Variants in KREMEN1 observed in about 807,000 individuals in gnomAD.
KREMEN1 encodes kremen protein 1.
A neutral mutation model predicts 46.5 loss-of-function variants in KREMEN1; 30 were observed. The observed-to-expected ratio is 0.65, with a 90% CI of 0.48 to 0.88. The LOEUF (loss-of-function observed/expected upper bound fraction) is 0.88, where lower values mean the gene tolerates loss of function less well. Ranked by LOEUF, KREMEN1 falls within the 40% of genes least tolerant of loss-of-function variation. The pLI, the probability that KREMEN1 is intolerant of heterozygous loss-of-function variation, is 0.00. For missense variants in KREMEN1, 533 were observed against 596.9 expected (o/e 0.89, Z 1.11); for synonymous variants, 214 against 230.6 (o/e 0.93, Z 0.65).
intron 3 of KREMEN1, among the ~76,000 whole-genome samples, chr22:29,113,116 A>G (rs2038177562): frequency 6.6e-6 from 1 of 152,188 alleles, no homozygotes; most frequent in African/African-American, 2.4e-5. Context: ...GGGGTCAGAG[A>G]CATGAAAAAC....
Position 29,155,110 on chromosome 22 carries a change from ATT to A in KREMEN1, c.1417-11923_1417-11922del, listed in dbSNP as rs132288. Among the ~76,000 whole-genome samples the A allele has an allele frequency of 1.7e-3, 257 of 149,672 alleles. 1 individual carries two copies. The highest frequency in any genetic ancestry group is 1.9e-3 in the Non-Finnish European group (128 of 67,316). The stretch of plus-strand genomic sequence containing the variant: ...AGTCAAAGAACAAAGCATAAGTGTA[ATT>A]TTTTTTTTTTGGCCAAATTTTAAAA... On this transcript the variant is annotated intron_variant, in intron 9 of 9. Coordinates refer to the KREMEN1 transcript ENST00000327813.
At chr22:29,104,203 G>T (rs1282581212) in intron 3 of KREMEN1, among the ~76,000 whole-genome samples, 1 of 142,024 alleles carries the variant, frequency 7.0e-6, no homozygotes, top group Non-Finnish European at 1.5e-5. Flanking sequence ...TGTCACACAT[G>T]TTGGAGTGCA....
At chr22:29,117,016 T>C (rs1464352980) in intron 3 of KREMEN1, among the ~76,000 whole-genome samples, 3 of 152,156 alleles carry the variant, frequency 2.0e-5, no homozygotes, top group Non-Finnish European at 4.4e-5. Context: ...ATTTGAACCA[T>C]GTGTGACGCA....
At chr22:29,160,667 A>T (rs1205246469) in intron 9 of KREMEN1, among the ~76,000 whole-genome samples, 1 of 152,182 alleles carries the variant, frequency 6.6e-6, no homozygotes, top group East Asian at 1.9e-4. Flanking sequence ...AATCAAAAAA[A>T]TTCTTTGAAA....
chr22:29,118,726 T>A (rs4823014), intron 3 of KREMEN1, among the ~76,000 whole-genome samples: 5 of 151,668 alleles, frequency 3.3e-5, no homozygotes, highest in South Asian at 2.1e-4. Flanking sequence ...GAATTCAGGC[T>A]TCAATATATT....
At chr22:29,126,484 C>T (rs1047268500) in intron 5 of KREMEN1, among the ~76,000 whole-genome samples, 1 of 152,118 alleles carries the variant, frequency 6.6e-6, no homozygotes, top group African/African-American at 2.4e-5. Context: ...TTTCACATGG[C>T]CATCTTCCCT....
chr22:29,096,428 G>A (rs2037883428), intron 2 of KREMEN1, among the ~76,000 whole-genome samples: 1 of 152,034 alleles, frequency 6.6e-6, no homozygotes, highest in African/African-American at 2.4e-5. Context: ...CTTTCTTGTG[G>A]ATTAGCACCC....
At chr22:29,135,539 C>T (rs115924887) in intron 5 of KREMEN1, among the ~76,000 whole-genome samples, 3,114 of 152,274 alleles carry the variant, frequency 0.02, 89 homozygotes, top group African/African-American at 0.069. Flanking sequence ...GGCAGCCTGT[C>T]ACCTCCTGCA....
chr22:29,162,085 C>G (rs975373930), intron 9 of KREMEN1, among the ~76,000 whole-genome samples: 1 of 150,672 alleles, frequency 6.6e-6, no homozygotes, highest in Non-Finnish European at 1.5e-5. Context: ...TCACTGCACT[C>G]TAGCCTGAAT....
At chr22:29,086,704 C>T (rs2037734174) in intron 1 of KREMEN1, among the ~76,000 whole-genome samples, 1 of 152,166 alleles carries the variant, frequency 6.6e-6, no homozygotes, top group Non-Finnish European at 1.5e-5. Context: ...TGAAACCCAA[C>T]AGGGCGATAG....
Position 29,075,363 on chromosome 22 carries a change from G to A in KREMEN1, c.97+2136G>A, listed in dbSNP as rs552826754. Among the ~76,000 whole-genome samples, 5 of 152,278 alleles carry A rather than the reference G, an allele frequency of 3.3e-5. No homozygotes were observed. In the South Asian group the frequency reaches 6.2e-4, roughly 19 times the overall value. On this transcript the variant is annotated intron_variant, in intron 1 of 8. Coordinates refer to ENST00000400335, the MANE Select transcript of KREMEN1 (RefSeq NM_001039570.3). ...AAGTGAGCCAACTCTCCTTAAGCTC[G>A]TTGGAAGCTAGTCTCTTCCCAGATA...
At position 29,143,695 on chromosome 22, in the gene KREMEN1, TC is replaced by T. The variant is rs2038806785; in HGVS notation, c.*1584del. ...AGGCGGAGCTTGCAGTGAGCAGAGATCACGCCACTGCACTCCAGCCTGGGTG... is the reference window on the plus strand; with the variant it reads ...AGGCGGAGCTTGCAGTGAGCAGAGATACGCCACTGCACTCCAGCCTGGGTG... On this transcript the variant is annotated 3_prime_UTR_variant, in exon 9 of 9. Coordinates refer to ENST00000400335, the MANE Select transcript of KREMEN1 (RefSeq NM_001039570.3). 1.1e-6 allele frequency: 1 copy of T among 907,484 alleles called. No homozygotes were observed. Among genetic ancestry groups the T allele is most frequent in the African/African-American group, 1.8e-5 (1 of 54,194 alleles). The allele number at this position is 907,484 out of a possible 1,614,324, so 56.2% of individuals were successfully genotyped here. A position where few individuals can be genotyped will look rare whatever the true frequency, so the allele number is the denominator to read the frequency against.
intron 5 of KREMEN1, among the ~76,000 whole-genome samples, chr22:29,126,275 A>G (rs1429027341): frequency 1.3e-5 from 2 of 152,234 alleles, no homozygotes; most frequent in Admixed American, 1.3e-4. Context: ...TAGGACTGCC[A>G]TAACAGATTA....
At chr22:29,083,495 C>T (rs1461831459) in intron 1 of KREMEN1, among the ~76,000 whole-genome samples, 1 of 152,134 alleles carries the variant, frequency 6.6e-6, no homozygotes, top group Non-Finnish European at 1.5e-5. Flanking sequence ...AGAAAGGGGT[C>T]CTGATCTAGA....
rs150159988 is a variant in KREMEN1 at position 29,126,030 on chromosome 22, T to G, written c.631+614T>G. ...TGAGCCAGCTGATTCCTCATCATAA[T>G]CCACCAGCATCCTCTCAGTGGCAGT... On this transcript the variant is annotated intron_variant, in intron 5 of 8. Transcript: ENST00000400335. Among the ~76,000 whole-genome samples, 10 of 151,436 alleles carry G rather than the reference T, an allele frequency of 6.6e-5. No homozygotes were observed. In the East Asian group the frequency reaches 1.4e-3, roughly 21 times the overall value.
intron 5 of KREMEN1, among the ~76,000 whole-genome samples, chr22:29,135,825 T>C (rs2038648701): frequency 6.6e-6 from 1 of 152,210 alleles, no homozygotes; most frequent in Non-Finnish European, 1.5e-5. Context: ...CTCTCCTTGA[T>C]GGGGCTTTGA....
chr22:29,132,098 C>T (rs912554303), intron 5 of KREMEN1, among the ~76,000 whole-genome samples: 1 of 151,962 alleles, frequency 6.6e-6, no homozygotes, highest in East Asian at 1.9e-4. Context: ...TCTCAAACTC[C>T]GGACCTCAGG....
chr22:29,122,445 A>T (rs544836357), intron 4 of KREMEN1, among the ~76,000 whole-genome samples: 39 of 152,364 alleles, frequency 2.6e-4, no homozygotes, highest in African/African-American at 9.4e-4. Flanking sequence ...AAACTCAGCA[A>T]TATCACGCCT....
intron 9 of KREMEN1, among the ~76,000 whole-genome samples, chr22:29,152,410 A>G (rs1167019575): frequency 6.6e-6 from 1 of 152,174 alleles, no homozygotes; most frequent in Admixed American, 6.5e-5. Flanking sequence ...GCTAATACCC[A>G]TGAGTTGGAA....
Sources: gnomAD v4.1 joint callset for allele counts (sites outside exome capture counted in the v4.1 genomes callset) on GRCh38, gnomAD v4.1.1 for gene constraint, MANE v1.5 for transcripts, NCBI Gene and HGNC (gene_info 2026-07-23, HGNC 2026-07-21) for gene names.